The following B4GALNT3 variants were observed in gnomAD, a reference collection of about 807,000 sequenced individuals.
B4GALNT3 encodes the protein beta-1,4-N-acetyl-galactosaminyltransferase 3.
In B4GALNT3, 86 loss-of-function variants were observed where a neutral mutation model predicts 120.2. That is an observed-to-expected ratio of 0.72 (90% confidence interval 0.60 to 0.86). The LOEUF (loss-of-function observed/expected upper bound fraction) is 0.86, where lower values mean the gene tolerates loss of function less well. Ranked by LOEUF, B4GALNT3 falls within the 40% of genes least tolerant of loss-of-function variation. The pLI is 0.00. For synonymous variants in B4GALNT3, 518 were observed against 510.4 expected (o/e 1.01, Z -0.20); for missense variants, 1,167 against 1,298.9 (o/e 0.90, Z 1.56).
intron 7 of B4GALNT3, 87 bp from the exon 8 acceptor site, chr12:547,937 G>T (rs780644687): frequency 8.0e-6 from 9 of 1,123,950 alleles, no homozygotes; most frequent in Non-Finnish European, 1.2e-5. Context: ...ATGAGGGAGT[G>T]TAAGGTGCTG....
intron 1 of B4GALNT3, among the ~76,000 whole-genome samples, chr12:492,786 T>C (rs1416050037): frequency 1.3e-5 from 2 of 152,126 alleles, no homozygotes; most frequent in African/African-American, 2.4e-5. Context: ...TGGAATGGAA[T>C]TGAGAGTCCA....
intron 3 of B4GALNT3, among the ~76,000 whole-genome samples, chr12:536,516 G>T (rs573832314): frequency 3.8e-4 from 58 of 152,204 alleles, no homozygotes; most frequent in African/African-American, 1.1e-3. Flanking sequence ...TTAGTTTTTT[G>T]TTGTTGTTGT....
intron 1 of B4GALNT3, among the ~76,000 whole-genome samples, chr12:498,303 C>G (rs1946407767): frequency 1.3e-5 from 2 of 152,156 alleles, no homozygotes; most frequent in South Asian, 4.1e-4. Context: ...AGCTACCTCT[C>G]CACCATGTCC....
intron 1 of B4GALNT3, among the ~76,000 whole-genome samples, chr12:481,740 C>T (rs564573726): frequency 1.3e-5 from 2 of 152,296 alleles, no homozygotes; most frequent in South Asian, 2.1e-4. Flanking sequence ...CTCAGCCGCC[C>T]TGCAGGGAGC....
At chr12:514,758 GT>G (rs1946635827) in intron 1 of B4GALNT3, among the ~76,000 whole-genome samples, 1 of 152,058 alleles carries the variant, frequency 6.6e-6, no homozygotes, top group South Asian at 2.1e-4. Flanking sequence ...GCTGGGCGTG[GT>G]GGCTTACACC....
At chr12:466,629 G>A (rs1946083380) in intron 1 of B4GALNT3, among the ~76,000 whole-genome samples, 2 of 152,176 alleles carry the variant, frequency 1.3e-5, no homozygotes, top group African/African-American at 4.8e-5. Context: ...TGCATGTGTT[G>A]TATATTCTGA....
chr12:490,227 A>G (rs917458420), intron 1 of B4GALNT3, among the ~76,000 whole-genome samples: 1 of 152,160 alleles, frequency 6.6e-6, no homozygotes, highest in Non-Finnish European at 1.5e-5. Flanking sequence ...TTTCAAAAAC[A>G]GAAGAAATAA....
chr12:473,278 C>G (rs1946154730), intron 1 of B4GALNT3, among the ~76,000 whole-genome samples: 1 of 152,174 alleles, frequency 6.6e-6, no homozygotes, highest in Admixed American at 6.5e-5. Flanking sequence ...TAAATACTTA[C>G]CAACCCCTTC....
chr12:518,332 C>A (rs1202177032), intron 1 of B4GALNT3, among the ~76,000 whole-genome samples: 1 of 152,156 alleles, frequency 6.6e-6, no homozygotes, highest in Non-Finnish European at 1.5e-5. Context: ...CCAGAATTCC[C>A]CATGGATACC....
intron 4 of B4GALNT3, among the ~76,000 whole-genome samples, 189 bp downstream of exon 4, chr12:544,623 A>G (rs977414681): frequency 6.6e-6 from 1 of 152,026 alleles, no homozygotes; most frequent in South Asian, 2.1e-4. Context: ...CATCCCCTGC[A>G]TCATTTCAGT....
At chr12:552,819 C>T in intron 13 of B4GALNT3, 1 of 505,572 alleles carries the variant, frequency 2.0e-6, no homozygotes, top group Non-Finnish European at 3.5e-6. Context: ...GTCCCTGGCG[C>T]ACCATTTGGG....
At position 560,683 on chromosome 12, in the gene B4GALNT3, G is replaced by A. The variant is rs556062846; in HGVS notation, c.2889-660G>A. ...GCTGGAAGCCTTGATTTGGGAAGCC[G>A]GGTCCAGCAGTCACCTCCACCTTGA... is the stretch of plus-strand genomic sequence containing the variant. On this transcript the variant is annotated intron_variant, in intron 19 of 19. Coordinates refer to ENST00000266383, the MANE Select transcript of B4GALNT3 (RefSeq NM_173593.4). Among the ~76,000 whole-genome samples the A allele has an allele frequency of 3.5e-4, 53 of 152,324 alleles. No individual in the cohort carries two copies. The South Asian group carries it at 3.5e-3, about 10-fold the overall frequency.
chr12:538,399 A>G (rs1946882054), intron 3 of B4GALNT3, among the ~76,000 whole-genome samples: 1 of 151,490 alleles, frequency 6.6e-6, no homozygotes, highest in Non-Finnish European at 1.5e-5. Context: ...TCTACAAATA[A>G]TAAAAAAAAA....
At chr12:513,615 A>G (rs1370459380) in intron 1 of B4GALNT3, among the ~76,000 whole-genome samples, 2 of 152,136 alleles carry the variant, frequency 1.3e-5, no homozygotes, top group Admixed American at 6.6e-5. Context: ...TATGCCTCCT[A>G]TCTTATACCT....
intron 14 of B4GALNT3, among the ~76,000 whole-genome samples, chr12:556,071 CTG>C (rs1565612051): frequency 1.7e-4 from 26 of 152,212 alleles, no homozygotes; most frequent in South Asian, 4.1e-4. Context: ...GTGTGAGCCA[CTG>C]CACCTGGCAT....
rs146905079 is a variant in B4GALNT3 at position 544,342 on chromosome 12, C to T, written c.355C>T (p.Arg119Trp). ...CACTGGCGTCTCCGCCCTGCAGTTC[C>T]GGGGCCGTGCCAACCTGCATGTGTT... ...NKPVPWLSEF[R>W]GRANLHVFED... Residue 119 changes from arginine to tryptophan, a missense_variant, in exon 4 of 20, where the codon CGG becomes TGG. Transcript: ENST00000266383. 2.6e-5 allele frequency: 42 copies of T among 1,613,432 alleles called. No individual in the cohort carries two copies. The highest frequency in any genetic ancestry group is 1.7e-4 in the Middle Eastern group (1 of 6,058).
intron 6 of B4GALNT3, among the ~76,000 whole-genome samples, chr12:545,953 C>A (rs111211622): frequency 1.2e-3 from 19 of 15,442 alleles, no homozygotes; most frequent in African/African-American, 3.2e-3. Context: ...TGGGGAGGTG[C>A]GAGGAGTGGG....
chr12:545,449 C>T lies in B4GALNT3; in HGVS notation c.619C>T (p.Leu207=), dbSNP rs749880161. The T allele has an allele frequency of 6.2e-7, 1 of 1,607,726 alleles. No homozygotes were observed. Among genetic ancestry groups the T allele is most frequent in the Non-Finnish European group, 8.5e-7 (1 of 1,177,768 alleles). ...SLDDQVSGLQ[L]LASVGKTGKE... ...CGATGACCAGGTCTCAGGCCTCCAG[C>T]TGCTGGCCAGTGTGGGCAAGGTAAG... is the stretch of plus-strand genomic sequence containing the variant. Residue 207 remains leucine (L), a synonymous_variant, in exon 6 of 20, where the codon CTG becomes TTG. Coordinates refer to ENST00000266383, the MANE Select transcript of B4GALNT3 (RefSeq NM_173593.4).
At chr12:507,339 A>G (rs1214949474) in intron 1 of B4GALNT3, among the ~76,000 whole-genome samples, 1 of 152,104 alleles carries the variant, frequency 6.6e-6, no homozygotes, top group Non-Finnish European at 1.5e-5. Context: ...CTTTTAACTC[A>G]CCACAGTGTT....
Sources: allele counts gnomAD v4.1 joint callset (sites outside exome capture counted in the v4.1 genomes callset), GRCh38; gene constraint gnomAD v4.1.1; transcripts MANE v1.5; gene names NCBI Gene and HGNC (gene_info 2026-07-23, HGNC 2026-07-21).